Variants in CPS1 observed in about 807,000 individuals in gnomAD.
CPS1 encodes the protein carbamoyl-phosphate synthase [ammonia], mitochondrial.
A neutral mutation model predicts 174.6 loss-of-function variants in CPS1; 109 were observed. That is an observed-to-expected ratio of 0.62 (90% confidence interval 0.53 to 0.73). The LOEUF is 0.73. Ranked by LOEUF, CPS1 falls within the 30% of genes least tolerant of loss-of-function variation. The pLI is 0.00. For synonymous variants in CPS1, 637 were observed against 632.0 expected, an observed-to-expected ratio of 1.01 and a Z score of -0.12; for missense variants, 1,689 against 1,821.9, an observed-to-expected ratio of 0.93 and a Z score of 1.33.
rs867663585 is a variant in CPS1, at chr2:210,591,817, C to A, written c.948-14C>A. The stretch of plus-strand genomic sequence containing the variant: ...TTTTCCTTTTCCCTATTCTTTTTCT[C>A]CTTTTCTCTCCAGAGGGCAGAATCA... On this transcript the variant is annotated splice_polypyrimidine_tract_variant and intron_variant, in intron 9 of 37. Coordinates refer to ENST00000233072, the MANE Select transcript of CPS1 (RefSeq NM_001875.5). 6.2e-7 allele frequency: 1 copy of A among 1,611,092 alleles called. No homozygotes were observed. Among genetic ancestry groups the A allele is most frequent in the Non-Finnish European group, 8.5e-7 (1 of 1,178,210 alleles).
intron 2 of CPS1, among the ~76,000 whole-genome samples, chr2:210,575,162 G>A (rs1010277064): frequency 2.6e-5 from 4 of 152,056 alleles, no homozygotes; most frequent in African/African-American, 9.7e-5. Context: ...TTGCAGAGCT[G>A]AAAGACTATG....
In CPS1 at chr2:210,654,018, G is replaced by C. The variant is rs368909569; in HGVS notation, c.3481-7G>C. 42 of 1,613,074 alleles carry C rather than the reference G, an allele frequency of 2.6e-5. No individual in the cohort carries two copies. The highest frequency in any genetic ancestry group is 3.5e-5 in the Non-Finnish European group (41 of 1,179,250). On this transcript the variant is annotated splice_polypyrimidine_tract_variant and splice_region_variant and intron_variant, in intron 28 of 37. Coordinates refer to ENST00000233072, the MANE Select transcript of CPS1 (RefSeq NM_001875.5). ...ATGTTCGGCTCCTCTGTTTTCCTTC[G>C]TGACAGGAGCACCCAGTGGTGCTGA...
rs550089558 is a variant in CPS1 at position 210,492,021 on chromosome 2, G to C, written c.3+14255G>C. Among the ~76,000 whole-genome samples, 88 of 152,320 alleles carry C rather than the reference G, an allele frequency of 5.8e-4. 1 individual carries two copies. The highest frequency in any genetic ancestry group is 2.1e-3 in the African/African-American group (86 of 41,576). On this transcript the variant is annotated intron_variant, in intron 1 of 38. Coordinates refer to the CPS1 transcript ENST00000430249. ...GAGTTGCTAGATAACCAGGAACCTG[G>C]TGGCTGGGCAGAAGCCGACAAAGTT... is the stretch of plus-strand genomic sequence containing the variant.
rs1700971422 is a variant in CPS1 at position 210,662,997 on chromosome 2, T to C, written c.3928-126T>C. The C allele has an allele frequency of 5.5e-6, 5 of 915,640 alleles. 1 individual carries two copies. In the South Asian group the frequency reaches 7.7e-5, roughly 14 times the overall value. 56.7% of individuals were successfully genotyped at this position (915,640 alleles called of 1,614,324 possible). A position where few individuals can be genotyped will look rare whatever the true frequency, so the allele number is the denominator to read the frequency against. ...CGGATGCTTGGACCCAAGAGATTTT[T>C]TACATGTCTACTGTAGCCTAAGTGA... On this transcript the variant is annotated intron_variant, in intron 32 of 37. Coordinates refer to ENST00000233072, the MANE Select transcript of CPS1 (RefSeq NM_001875.5).
chr2:210,524,164 C>T (rs1016406551), intron 1 of CPS1, among the ~76,000 whole-genome samples: 2 of 151,972 alleles, frequency 1.3e-5, no homozygotes, highest in African/African-American at 2.4e-5. Flanking sequence ...CTTTATAAAC[C>T]TCTGGAGCCC....
chr2:210,571,353 C>T lies in CPS1; in HGVS notation c.127-1945C>T, dbSNP rs559713283. ...TTGGCTAATCTTGCCCAGGAACACACGCATATGCTCACTCACACACATACA... is the reference window on the plus strand; with the variant it reads ...TTGGCTAATCTTGCCCAGGAACACATGCATATGCTCACTCACACACATACA... On this transcript the variant is annotated intron_variant, in intron 1 of 37. Transcript: ENST00000233072. Among the ~76,000 whole-genome samples, 7 of 151,970 alleles carry T rather than the reference C, an allele frequency of 4.6e-5. No homozygotes were observed. In the South Asian group the frequency reaches 8.3e-4, roughly 18 times the overall value.
chr2:210,588,403 A>G (rs867087805), intron 7 of CPS1, among the ~76,000 whole-genome samples: 1 of 151,618 alleles, frequency 6.6e-6, no homozygotes, highest in South Asian at 2.1e-4. Flanking sequence ...TGTTCTTGTC[A>G]TTAATTGACT....
chr2:210,509,360 A>T (rs568935830), intron 1 of CPS1, among the ~76,000 whole-genome samples: 1 of 152,242 alleles, frequency 6.6e-6, no homozygotes, highest in African/African-American at 2.4e-5. Context: ...TCAATAAATT[A>T]GGTATTGATG....
Position 210,648,682 on chromosome 2 carries a change from T to G in CPS1, c.3404+142T>G, listed in dbSNP as rs184264461. On this transcript the variant is annotated intron_variant, in intron 27 of 37. Transcript: ENST00000233072. ...AATTTCCAAACCATCACAGCCAGTT[T>G]AAGGACCAATGTGTGGTCTTCTAGT... 3.3e-4 allele frequency: 247 copies of G among 759,436 alleles called. No individual in the cohort carries two copies. The African/African-American group carries it at 3.7e-3, about 11-fold the overall frequency. 47.0% of individuals were successfully genotyped at this position (759,436 alleles called of 1,614,324 possible).
chr2:210,534,435 C>T (rs985931403), intron 1 of CPS1, among the ~76,000 whole-genome samples: 2 of 152,198 alleles, frequency 1.3e-5, no homozygotes, highest in Non-Finnish European at 2.9e-5. Context: ...AAAATCATTA[C>T]TATATATTGC....
intron 1 of CPS1, among the ~76,000 whole-genome samples, chr2:210,490,007 A>C (rs1012930072): frequency 1.3e-5 from 2 of 151,706 alleles, no homozygotes; most frequent in Non-Finnish European, 2.9e-5. Context: ...CAAAAAAAAA[A>C]AAAAAAAAGG....
intron 16 of CPS1, among the ~76,000 whole-genome samples, chr2:210,603,846 T>A (rs1251912271): frequency 6.6e-6 from 1 of 151,854 alleles, no homozygotes; most frequent in African/African-American, 2.4e-5. Context: ...AGGTTATAAT[T>A]AGCACCATTA....
intron 1 of CPS1, among the ~76,000 whole-genome samples, chr2:210,484,607 A>G (rs1694666488): frequency 6.6e-6 from 1 of 152,174 alleles, no homozygotes; most frequent in African/African-American, 2.4e-5. Flanking sequence ...AAGGGACTGT[A>G]ACTTACCAGA....
intron 1 of CPS1, among the ~76,000 whole-genome samples, chr2:210,503,124 A>G (rs891615532): frequency 7.9e-5 from 12 of 152,286 alleles, no homozygotes; most frequent in South Asian, 2.1e-4. Context: ...TCCTAACTCT[A>G]CAGAAAAAGT....
chr2:210,492,723 T>C (rs1694903805), intron 1 of CPS1, among the ~76,000 whole-genome samples: 1 of 152,160 alleles, frequency 6.6e-6, no homozygotes, highest in African/African-American at 2.4e-5. Context: ...CTTAAAACTT[T>C]TTTGGTGTCT....
Position 210,582,611 on chromosome 2 carries a change from TGA to T in CPS1, c.529-5_529-4del, listed in dbSNP as rs757776091. ...TTTTAACTGTCTAATTTTTTTAATTTGATAGGGTACCATGCTTGGGAAGATTG... is the reference window on the plus strand; with the variant it reads ...TTTTAACTGTCTAATTTTTTTAATTTTAGGGTACCATGCTTGGGAAGATTG... On this transcript the variant is annotated splice_region_variant and splice_polypyrimidine_tract_variant and intron_variant, in intron 5 of 37. Coordinates refer to ENST00000233072, the MANE Select transcript of CPS1 (RefSeq NM_001875.5). The T allele has an allele frequency of 6.2e-7, 1 of 1,609,632 alleles. No homozygotes were observed. Among genetic ancestry groups the T allele is most frequent in the South Asian group, 1.1e-5 (1 of 91,012 alleles).
intron 2 of CPS1, among the ~76,000 whole-genome samples, chr2:210,574,745 C>A (rs1235733545): frequency 6.6e-6 from 1 of 152,054 alleles, no homozygotes; most frequent in Non-Finnish European, 1.5e-5. Context: ...TTGCTCCCAA[C>A]ACTGTAGTTC....
intron 5 of CPS1, among the ~76,000 whole-genome samples, chr2:210,581,100 T>C (rs573226080): frequency 6.6e-6 from 1 of 152,236 alleles, no homozygotes; most frequent in East Asian, 1.9e-4. Context: ...TTCCTGAGAA[T>C]AGGTGTTAGT....
intron 1 of CPS1, among the ~76,000 whole-genome samples, chr2:210,560,156 T>C (rs17824552): frequency 0.2 from 29,630 of 151,464 alleles, 3,586 homozygotes; most frequent in Middle Eastern, 0.33. Context: ...GCAAATAATC[T>C]TTTTTTTTCA....
Sources: gnomAD v4.1 joint callset for allele counts (sites outside exome capture counted in the v4.1 genomes callset) on GRCh38, gnomAD v4.1.1 for gene constraint, MANE v1.5 for transcripts, NCBI Gene and HGNC (gene_info 2026-07-23, HGNC 2026-07-21) for gene names.